The following LPP variants were observed in gnomAD, a reference collection of about 807,000 sequenced individuals.
LPP encodes lipoma-preferred partner.
Under a neutral mutation model 60.4 loss-of-function variants are expected in LPP, and 38 were observed. That is an observed-to-expected ratio of 0.63 (90% confidence interval 0.49 to 0.83). The LOEUF is 0.83. Ranked by LOEUF, LPP falls within the 40% of genes least tolerant of loss-of-function variation. The probability of loss-of-function intolerance (pLI) is 0.00; values close to 1 mark genes in which losing one functional copy is unlikely to be tolerated. For missense variants in LPP, 902 were observed against 783.6 expected, an observed-to-expected ratio of 1.15 and a Z score of -1.80; for synonymous variants, 328 against 290.8, an observed-to-expected ratio of 1.13 and a Z score of -1.30.
chr3:188,222,739 T>C (rs1208510473), intron 1 of LPP, among the ~76,000 whole-genome samples: 1 of 152,204 alleles, frequency 6.6e-6, no homozygotes, highest in Non-Finnish European at 1.5e-5. Context: ...TTAATGAATC[T>C]AGATTAGTGT....
At chr3:188,668,888 T>C (rs1373006553) in intron 7 of LPP, among the ~76,000 whole-genome samples, 1 of 152,226 alleles carries the variant, frequency 6.6e-6, no homozygotes, top group Non-Finnish European at 1.5e-5. Flanking sequence ...TCTCCACGAT[T>C]TTCCTGGAAA....
intron 8 of LPP, chr3:188,711,022 C>A (rs887709766): frequency 1.3e-5 from 2 of 152,188 alleles, no homozygotes; most frequent in Non-Finnish European, 1.5e-5. Flanking sequence ...TAGCCAAGTT[C>A]TTGGCATGTA....
intron 9 of LPP, among the ~76,000 whole-genome samples, chr3:188,768,279 T>C (rs6444325): frequency 0.96 from 146,681 of 152,252 alleles, 70,678 homozygotes; most frequent in East Asian, 1. Context: ...AAAAACGAGA[T>C]GCTTACCAAA....
chr3:188,852,052 T>C (rs1335963592), intron 9 of LPP, among the ~76,000 whole-genome samples: 1 of 152,090 alleles, frequency 6.6e-6, no homozygotes, highest in Non-Finnish European at 1.5e-5. Context: ...TAGTCCCAGC[T>C]ACTTGGGAGG....
intron 9 of LPP, among the ~76,000 whole-genome samples, chr3:188,809,313 G>A (rs982085752): frequency 2.0e-5 from 3 of 152,052 alleles, no homozygotes; most frequent in East Asian, 1.9e-4. Flanking sequence ...GTGTAAAAAT[G>A]TTCCTATTTC....
At chr3:188,158,698 C>A (rs1222691997) in intron 1 of LPP, among the ~76,000 whole-genome samples, 3 of 152,132 alleles carry the variant, frequency 2.0e-5, no homozygotes, top group Non-Finnish European at 2.9e-5. Context: ...GATTACCAGT[C>A]TCATTTTGCA....
At chr3:188,255,932 A>AC (rs1321928728) in intron 2 of LPP, among the ~76,000 whole-genome samples, 1 of 152,206 alleles carries the variant, frequency 6.6e-6, no homozygotes, top group Non-Finnish European at 1.5e-5. Flanking sequence ...CACACTGGTT[A>AC]CCGTCATACC....
chr3:188,694,069 A>G (rs1196789749), intron 7 of LPP, among the ~76,000 whole-genome samples: 1 of 152,206 alleles, frequency 6.6e-6, no homozygotes, highest in Non-Finnish European at 1.5e-5. Context: ...TGAAATTCAC[A>G]GAAGGCAGGG....
At chr3:188,715,870 G>A (rs1221541608) in intron 8 of LPP, among the ~76,000 whole-genome samples, 2 of 152,212 alleles carry the variant, frequency 1.3e-5, no homozygotes, top group Non-Finnish European at 2.9e-5. Flanking sequence ...AACACTGTTG[G>A]AAGACAGTAT....
In LPP at chr3:188,609,109, G is replaced by A. The variant is rs760305073; in HGVS notation, c.430-52G>A. The A allele has an allele frequency of 4.6e-5, 60 of 1,305,708 alleles. No homozygotes were observed. Among genetic ancestry groups the A allele is most frequent in the East Asian group, 2.3e-4 (10 of 42,868 alleles). 80.9% of individuals were successfully genotyped at this position (1,305,708 alleles called of 1,614,324 possible). A position where few individuals can be genotyped will look rare whatever the true frequency, so the allele number is the denominator to read the frequency against. On this transcript the variant is annotated intron_variant, in intron 6 of 11. Transcript: ENST00000617246. The surrounding 1 kb of genome is among the most constrained non-coding windows in gnomAD (Gnocchi z 6.9). ...CATTTATTCATTTTTATTGAGTTTC[G>A]TTGGCAGTAATTTTTGCTTTCTTTC...
At chr3:188,649,788 A>G (rs1357668669) in intron 7 of LPP, among the ~76,000 whole-genome samples, 2 of 152,178 alleles carry the variant, frequency 1.3e-5, no homozygotes, top group African/African-American at 4.8e-5. Context: ...GAGTCTCATG[A>G]TTAAGAAATG....
At chr3:188,680,153 G>C (rs1312809533) in intron 7 of LPP, among the ~76,000 whole-genome samples, 2 of 152,024 alleles carry the variant, frequency 1.3e-5, no homozygotes. Flanking sequence ...TTTCTTCTCC[G>C]TTCTCTTTCT....
At chr3:188,503,363 G>C (rs1447090439) in intron 5 of LPP, among the ~76,000 whole-genome samples, 1 of 151,958 alleles carries the variant, frequency 6.6e-6, no homozygotes, top group Non-Finnish European at 1.5e-5. Flanking sequence ...ACAAAATTGG[G>C]CTTACCAATC....
intron 2 of LPP, among the ~76,000 whole-genome samples, chr3:188,328,067 G>C (rs1188933299): frequency 6.6e-6 from 1 of 152,060 alleles, no homozygotes; most frequent in African/African-American, 2.4e-5. Context: ...GTCTCTCACA[G>C]CTATGTATTT....
intron 6 of LPP, among the ~76,000 whole-genome samples, chr3:188,565,279 G>A (rs187222060): frequency 6.6e-6 from 1 of 151,946 alleles, no homozygotes; most frequent in South Asian, 2.1e-4. Flanking sequence ...AACATTGTAT[G>A]TACTTCTCTA....
chr3:188,287,590 T>C (rs561940996), intron 2 of LPP, among the ~76,000 whole-genome samples: 34 of 152,226 alleles, frequency 2.2e-4, no homozygotes, highest in Middle Eastern at 3.4e-3. Flanking sequence ...CTTCCCTTTT[T>C]CGGGGGACTG....
intron 6 of LPP, among the ~76,000 whole-genome samples, chr3:188,529,274 A>G (rs1821502511): frequency 6.6e-6 from 1 of 152,218 alleles, no homozygotes; most frequent in Non-Finnish European, 1.5e-5. Flanking sequence ...AGGTACTTGA[A>G]AAGTCCTAGA....
chr3:188,153,441 T>G (rs959805147), upstream of LPP: 1 of 152,228 alleles, frequency 6.6e-6, no homozygotes, highest in Non-Finnish European at 1.5e-5. Context: ...TGGCTGGATC[T>G]CTTCCACTCA....
intron 2 of LPP, among the ~76,000 whole-genome samples, chr3:188,231,683 C>T (rs908682663): frequency 6.6e-5 from 10 of 151,734 alleles, no homozygotes; most frequent in African/African-American, 2.4e-4. Flanking sequence ...TGCAGCTCCT[C>T]TCTGTGCCCC....
Sources: gnomAD v4.1 joint callset for allele counts (sites outside exome capture counted in the v4.1 genomes callset) on GRCh38, gnomAD v4.1.1 for gene constraint, Gnocchi (gnomAD v3.1) non-coding constraint, MANE v1.5 for transcripts, NCBI Gene and HGNC (gene_info 2026-07-23, HGNC 2026-07-21) for gene names.